The following PGM2 variants were observed in gnomAD, a reference collection of about 807,000 sequenced individuals.
PGM2 encodes the protein phosphopentomutase.
A neutral mutation model predicts 74.6 loss-of-function variants in PGM2; 57 were observed. The ratio of observed to expected loss-of-function variants is 0.76; its 90% CI spans 0.62 to 0.95. PGM2 has a LOEUF of 0.95. PGM2 is among the 40% of genes least tolerant of loss of function. The pLI is 0.00. For synonymous variants in PGM2, 273 were observed against 260.7 expected, an observed-to-expected ratio of 1.05 and a Z score of -0.46; for missense variants, 706 against 741.9, an observed-to-expected ratio of 0.95 and a Z score of 0.56.
In PGM2 at chr4:37,840,207, G is replaced by T; in HGVS notation, c.667G>T (p.Ala223Ser). The change falls in exon 6 of 14, where the codon GCT (alanine) becomes TCT (serine). Residue 223 changes from alanine (A) to serine (S), a missense_variant. This residue lies in a region of PGM2 where 332 missense variants were observed against 334.9 expected (regional missense o/e 0.99). Coordinates refer to ENST00000381967, the MANE Select transcript of PGM2 (RefSeq NM_018290.4). ...DSSPLLHNPS[A>S]SINNDYFEDL... ...CAGTCCACTTCTCCACAATCCGAGTGCTTCCATCAATAATGACTACTTTGA... is the reference window on the plus strand; with the variant it reads ...CAGTCCACTTCTCCACAATCCGAGTTCTTCCATCAATAATGACTACTTTGA... 1.2e-6 allele frequency: 2 copies of T among 1,612,894 alleles called. No homozygotes were observed. The highest frequency in any genetic ancestry group is 4.5e-5 in the East Asian group (2 of 44,880).
intron 5 of PGM2, 49 bp downstream of exon 5, chr4:37,839,980 G>A (rs375591801): frequency 6.7e-7 from 1 of 1,491,004 alleles, no homozygotes; most frequent in Non-Finnish European, 9.3e-7. Context: ...TAGGAATCCT[G>A]TATCTGTAAT....
At chr4:37,857,235 A>G (rs1467803271) in intron 13 of PGM2, among the ~76,000 whole-genome samples, 1 of 152,206 alleles carries the variant, frequency 6.6e-6, no homozygotes, top group African/African-American at 2.4e-5. Flanking sequence ...TAGTAGCCAC[A>G]TGTGTCTAAT....
rs1577687672 is a variant in PGM2, at chr4:37,862,663, C to T, written c.*1051C>T. On this transcript the variant is annotated 3_prime_UTR_variant, in exon 14 of 14. Coordinates refer to ENST00000381967, the MANE Select transcript of PGM2 (RefSeq NM_018290.4). ...ATACTTTATATATTTTACATTATTT[C>T]TGATTTTTAAAGCAAATGATTGCCA... 6.6e-6 allele frequency: 1 copy of T among 152,110 alleles called. No homozygotes were observed. The highest frequency in any genetic ancestry group is 2.4e-5 in the African/African-American group (1 of 41,518). The allele number at this position is 152,110 out of a possible 1,614,324, so 9.4% of individuals were successfully genotyped here.
intron 11 of PGM2, among the ~76,000 whole-genome samples, chr4:37,849,264 C>G (rs6847524): frequency 6.6e-6 from 1 of 151,888 alleles, no homozygotes; most frequent in Non-Finnish European, 1.5e-5. Flanking sequence ...TTTTGTAGCA[C>G]TTACTCAACT....
chr4:37,858,063 GCTTTCCTT>G (rs1332720881), intron 13 of PGM2, among the ~76,000 whole-genome samples: 3 of 152,006 alleles, frequency 2.0e-5, no homozygotes, highest in Non-Finnish European at 4.4e-5. Context: ...ACTTCGGAAA[GCTTTCCTT>G]TGTAATGATA....
chr4:37,837,156 G>A (rs568251724), intron 3 of PGM2, among the ~76,000 whole-genome samples: 6 of 152,266 alleles, frequency 3.9e-5, no homozygotes, highest in East Asian at 3.9e-4. Context: ...AAAATGTTTC[G>A]AGACATTTCA....
rs571919648 is a variant in PGM2, at chr4:37,855,809, C to T, written c.1736+68C>T. 3 of 1,312,392 alleles carry T rather than the reference C, an allele frequency of 2.3e-6. No homozygotes were observed. In the South Asian group the frequency reaches 4.8e-5, roughly 21 times the overall value. 81.3% of individuals were successfully genotyped at this position (1,312,392 alleles called of 1,614,324 possible). On this transcript the variant is annotated intron_variant, in intron 13 of 13. Transcript: ENST00000381967. ...CTTCCTAACTGGTTCTATTCAAATG[C>T]CAAGTGAAATGTTCCATCTTTCTAA... is the stretch of plus-strand genomic sequence containing the variant.
intron 2 of PGM2, among the ~76,000 whole-genome samples, chr4:37,833,314 A>G (rs28363840): frequency 0.08 from 12,208 of 152,232 alleles, 927 homozygotes; most frequent in African/African-American, 0.18. Flanking sequence ...CGAGCACTTT[A>G]GGAGGCCAAG....
chr4:37,855,727 C>T lies in PGM2; in HGVS notation c.1722C>T (p.Ala574=), dbSNP rs569813046. 120 of 1,610,606 alleles carry T rather than the reference C, an allele frequency of 7.5e-5. 2 individuals carry two copies. In the South Asian group the frequency reaches 1.2e-3, roughly 16 times the overall value. The change falls in exon 13 of 14, where the codon GCC becomes GCT. Residue 574 remains alanine (A), a synonymous_variant. Coordinates refer to ENST00000381967, the MANE Select transcript of PGM2 (RefSeq NM_018290.4). The part of the protein sequence containing the change: ...PKIKYYAELC[A]PPGNSDPEQL... ...TCAAGTACTATGCAGAGCTGTGTGCCCCACCTGGGAACAGGTATGATGTGG... is the reference window on the plus strand; with the variant it reads ...TCAAGTACTATGCAGAGCTGTGTGCTCCACCTGGGAACAGGTATGATGTGG...
intron 11 of PGM2, among the ~76,000 whole-genome samples, 189 bp downstream of exon 11, chr4:37,848,840 C>T (rs541301510): frequency 2.8e-4 from 43 of 152,138 alleles, no homozygotes; most frequent in Non-Finnish European, 5.3e-4. Flanking sequence ...GAGGCTGAGG[C>T]GGGTGGATCA....
intron 7 of PGM2, 120 bp from the exon 8 acceptor site, chr4:37,845,513 T>C: frequency 1.5e-6 from 1 of 669,292 alleles, no homozygotes. Flanking sequence ...TGGTTGGTCC[T>C]ATATTATCTT....
intron 6 of PGM2, among the ~76,000 whole-genome samples, chr4:37,841,072 G>GTATATATATATATA (rs36127170): frequency 0.019 from 2,195 of 113,082 alleles, 41 homozygotes; most frequent in South Asian, 0.031. Context: ...ATATGCAAGC[G>GTATATATATATATA]TATATATATA....
chr4:37,847,051 C>T lies in PGM2; in HGVS notation c.1128C>T (p.Ser376=). 6.2e-7 allele frequency: 1 copy of T among 1,613,730 alleles called. No homozygotes were observed. The highest frequency in any genetic ancestry group is 8.5e-7 in the Non-Finnish European group (1 of 1,179,674). The part of the protein sequence containing the change: ...RSALKDTYML[S]STVSSKILRA... ...CTCTCAAAGACACGTACATGTTGTC[C>T]AGCACCGTCTCCTCCAAAATCTTGC... The change falls in exon 9 of 14, where the codon TCC becomes TCT. Residue 376 remains serine, a synonymous_variant. Coordinates refer to ENST00000381967, the MANE Select transcript of PGM2 (RefSeq NM_018290.4).
At chr4:37,857,890 G>A (rs1193279055) in intron 13 of PGM2, among the ~76,000 whole-genome samples, 1 of 152,000 alleles carries the variant, frequency 6.6e-6, no homozygotes, top group East Asian at 1.9e-4. Flanking sequence ...ATAGTTTTTT[G>A]TAAACATTTC....
At chr4:37,850,148 G>A (rs1725996770) in intron 11 of PGM2, 36 bp from the exon 12 acceptor site, 3 of 1,213,742 alleles carry the variant, frequency 2.5e-6, no homozygotes, top group Non-Finnish European at 3.5e-6. Flanking sequence ...AAAATTATTT[G>A]TTCCTCATGT....
intron 3 of PGM2, among the ~76,000 whole-genome samples, chr4:37,836,611 G>A (rs905351703): frequency 3.3e-5 from 5 of 152,332 alleles, no homozygotes; most frequent in African/African-American, 1.2e-4. Flanking sequence ...GGCGAAGCTA[G>A]TGCCCAAGAA....
intron 7 of PGM2, 151 bp downstream of exon 7, chr4:37,844,704 A>G (rs549819962): frequency 2.3e-5 from 14 of 596,520 alleles, no homozygotes; most frequent in African/African-American, 2.2e-4. Flanking sequence ...GCAGCGTCTC[A>G]TGTCTGTAAT....
In PGM2 at chr4:37,861,558, T is replaced by C; in HGVS notation, c.1785T>C (p.Ile595=). The part of the protein sequence containing the change: ...KKELNELVSA[I]EEHFFQPQKY... ...AACTGAATGAACTGGTCAGTGCTATTGAAGAACATTTTTTCCAGCCACAGA... is the reference window on the plus strand; with the variant it reads ...AACTGAATGAACTGGTCAGTGCTATCGAAGAACATTTTTTCCAGCCACAGA... The change falls in exon 14 of 14, where the codon ATT becomes ATC. Residue 595 remains isoleucine (I), a synonymous_variant. Coordinates refer to ENST00000381967, the MANE Select transcript of PGM2 (RefSeq NM_018290.4). 6.2e-7 allele frequency: 1 copy of C among 1,613,596 alleles called. No individual in the cohort carries two copies.
In PGM2 at chr4:37,834,765, T is replaced by C. The variant is rs1237736675; in HGVS notation, c.356+41T>C. The C allele has an allele frequency of 1.9e-5, 19 of 989,992 alleles. No individual in the cohort carries two copies. The Middle Eastern group carries it at 1.7e-3, about 87-fold the overall frequency. The allele number at this position is 989,992 out of a possible 1,614,324, so 61.3% of individuals were successfully genotyped here. A position where few individuals can be genotyped will look rare whatever the true frequency, so the allele number is the denominator to read the frequency against. On this transcript the variant is annotated intron_variant, in intron 3 of 13. Coordinates refer to ENST00000381967, the MANE Select transcript of PGM2 (RefSeq NM_018290.4). ...TACAAAATGATGTTTTTATAATTTATTTTGCAGTTTTATTTTAATCACCAT... is the reference window on the plus strand; with the variant it reads ...TACAAAATGATGTTTTTATAATTTACTTTGCAGTTTTATTTTAATCACCAT...
Sources: gnomAD v4.1 joint callset for allele counts (sites outside exome capture counted in the v4.1 genomes callset) on GRCh38, gnomAD v4.1.1 for gene constraint, gnomAD v4.1.1 regional missense constraint, MANE v1.5 for transcripts, NCBI Gene and HGNC (gene_info 2026-07-23, HGNC 2026-07-21) for gene names.